The following EPHA6 variants were observed in gnomAD, a reference collection of about 807,000 sequenced individuals.
The protein encoded by EPHA6 is ephrin type-A receptor 6.
EPHA6 carries 50 observed loss-of-function variants against 112.0 expected under a neutral mutation model. That is an observed-to-expected ratio of 0.45 (90% CI 0.36 to 0.56). The LOEUF (loss-of-function observed/expected upper bound fraction) is 0.56, where lower values mean the gene tolerates loss of function less well. Ranked by LOEUF, EPHA6 falls within the 20% of genes least tolerant of loss-of-function variation. The pLI is 0.00. For missense variants in EPHA6, 1,280 were observed against 1,417.4 expected, an observed-to-expected ratio of 0.90 and a Z score of 1.56; for synonymous variants, 529 against 490.7, an observed-to-expected ratio of 1.08 and a Z score of -1.03.
chr3:96,820,824 G>T (rs545343527), intron 1 of EPHA6, among the ~76,000 whole-genome samples: 4 of 151,964 alleles, frequency 2.6e-5, no homozygotes, highest in Non-Finnish European at 5.9e-5. Flanking sequence ...GCGAACGACT[G>T]TACAAGTATG....
chr3:97,619,521 T>A (rs1202220815), intron 13 of EPHA6, among the ~76,000 whole-genome samples: 1 of 151,452 alleles, frequency 6.6e-6, no homozygotes, highest in East Asian at 1.9e-4. Context: ...CAAAAGCCCA[T>A]TGTCTCAGCC....
chr3:96,930,434 A>G (rs775583070), intron 2 of EPHA6, among the ~76,000 whole-genome samples: 2 of 151,956 alleles, frequency 1.3e-5, no homozygotes, highest in South Asian at 2.1e-4. Flanking sequence ...TTTTCTTTTA[A>G]CAGTCAGAAC....
chr3:97,215,915 A>G (rs550504254), intron 3 of EPHA6, among the ~76,000 whole-genome samples: 111 of 152,158 alleles, frequency 7.3e-4, no homozygotes, highest in Non-Finnish European at 1.5e-3. Context: ...AGTTTATTGA[A>G]CATATTAGTT....
intron 14 of EPHA6, among the ~76,000 whole-genome samples, chr3:97,643,232 A>C (rs1416693953): frequency 2.7e-5 from 4 of 149,118 alleles, no homozygotes; most frequent in African/African-American, 9.8e-5. Flanking sequence ...TTTACAGACA[A>C]GCAAATGCTG....
At chr3:97,059,876 G>A (rs959505832) in intron 3 of EPHA6, among the ~76,000 whole-genome samples, 1 of 151,944 alleles carries the variant, frequency 6.6e-6, no homozygotes, top group East Asian at 1.9e-4. Context: ...CCAGCACTTA[G>A]GGATTAGAGG....
At chr3:96,914,745 A>G (rs1049003772) in intron 2 of EPHA6, among the ~76,000 whole-genome samples, 1 of 152,082 alleles carries the variant, frequency 6.6e-6, no homozygotes, top group Admixed American at 6.6e-5. Flanking sequence ...AAATACATAC[A>G]TAATCTAGAG....
intron 3 of EPHA6, among the ~76,000 whole-genome samples, chr3:97,099,200 T>A (rs77716615): frequency 0.014 from 2,054 of 151,996 alleles, 33 homozygotes; most frequent in African/African-American, 0.046. Flanking sequence ...TTAATCACAG[T>A]TGAGGTATCT....
chr3:97,405,463 T>C (rs918569238), intron 6 of EPHA6, among the ~76,000 whole-genome samples, 189 bp downstream of exon 6: 2 of 152,150 alleles, frequency 1.3e-5, no homozygotes, highest in African/African-American at 4.8e-5. Flanking sequence ...TAATTTATCT[T>C]GTTTTGTGTC....
At chr3:97,422,104 A>G (rs944251053) in intron 6 of EPHA6, among the ~76,000 whole-genome samples, 5 of 147,964 alleles carry the variant, frequency 3.4e-5, no homozygotes, top group Non-Finnish European at 7.4e-5. Flanking sequence ...AAAATTGATA[A>G]TTTTCATTAT....
At chr3:96,963,459 G>A (rs890686341) in intron 2 of EPHA6, among the ~76,000 whole-genome samples, 1 of 152,092 alleles carries the variant, frequency 6.6e-6, no homozygotes, top group African/African-American at 2.4e-5. Context: ...TGAGGACTTT[G>A]TTACTGGGTC....
At chr3:97,473,626 G>A (rs1403234884) in intron 7 of EPHA6, among the ~76,000 whole-genome samples, 1 of 151,676 alleles carries the variant, frequency 6.6e-6, no homozygotes, top group Non-Finnish European at 1.5e-5. Context: ...TGTTTTTTGG[G>A]TAAATGCCAT....
At chr3:97,224,448 T>C (rs1214115527) in intron 3 of EPHA6, among the ~76,000 whole-genome samples, 2 of 152,206 alleles carry the variant, frequency 1.3e-5, no homozygotes, top group African/African-American at 4.8e-5. Context: ...TAAATTCTTG[T>C]TTTAGCTACC....
rs566023023 is a variant in EPHA6, at chr3:97,197,547, G to A, written c.1115-28717G>A. Among the ~76,000 whole-genome samples the A allele has an allele frequency of 2.6e-3, 399 of 151,980 alleles. 3 individuals carry two copies. Among genetic ancestry groups the A allele is most frequent in the African/African-American group, 8.6e-3 (358 of 41,468 alleles). On this transcript the variant is annotated intron_variant, in intron 3 of 17. Coordinates refer to ENST00000389672, the MANE Select transcript of EPHA6 (RefSeq NM_001080448.3). Reference sequence around the variant, plus strand: ...TTACTGTGGCTGAGCTGGTATCCAAGTTGGAAAACAATGTTCTCTCCTTTC... The same window carrying A: ...TTACTGTGGCTGAGCTGGTATCCAAATTGGAAAACAATGTTCTCTCCTTTC...
chr3:97,422,267 A>G (rs1167079451), intron 6 of EPHA6, among the ~76,000 whole-genome samples: 2 of 152,130 alleles, frequency 1.3e-5, no homozygotes, highest in African/African-American at 4.8e-5. Context: ...AAATACATAA[A>G]GAAATCCTGT....
At chr3:97,723,766 A>T (rs976940297) in intron 15 of EPHA6, among the ~76,000 whole-genome samples, 2 of 152,202 alleles carry the variant, frequency 1.3e-5, no homozygotes, top group African/African-American at 4.8e-5. Context: ...AAATAGTAGG[A>T]GCTAAAATCT....
At chr3:97,709,717 T>C (rs1055371952) in intron 14 of EPHA6, among the ~76,000 whole-genome samples, 23 of 152,202 alleles carry the variant, frequency 1.5e-4, no homozygotes, top group African/African-American at 5.5e-4. Flanking sequence ...AGGGAGGGAT[T>C]TGGTGGGAGG....
chr3:97,258,261 C>T (rs1296346823), intron 5 of EPHA6, among the ~76,000 whole-genome samples: 1 of 151,896 alleles, frequency 6.6e-6, no homozygotes, highest in Non-Finnish European at 1.5e-5. Flanking sequence ...TACACACACA[C>T]ACACACACAC....
chr3:97,694,240 C>CTT (rs565717126), intron 14 of EPHA6, among the ~76,000 whole-genome samples: 1 of 144,550 alleles, frequency 6.9e-6, no homozygotes, highest in African/African-American at 2.5e-5. Flanking sequence ...ATTTCTTTTT[C>CTT]TTTTTTTTTT....
At chr3:97,731,405 C>T (rs1190839888) in intron 15 of EPHA6, among the ~76,000 whole-genome samples, 1 of 151,962 alleles carries the variant, frequency 6.6e-6, no homozygotes, top group Non-Finnish European at 1.5e-5. Flanking sequence ...GAGCTGCAGA[C>T]ATGGAGGCCA....
Sources: gnomAD v4.1 joint callset for allele counts (sites outside exome capture counted in the v4.1 genomes callset) on GRCh38, gnomAD v4.1.1 for gene constraint, MANE v1.5 for transcripts, NCBI Gene and HGNC (gene_info 2026-07-23, HGNC 2026-07-21) for gene names.